The following MAP1A variants were observed in gnomAD, a reference collection of about 807,000 sequenced individuals.
MAP1A encodes microtubule associated protein 1A.
Under a neutral mutation model 185.9 loss-of-function variants are expected in MAP1A, and 42 were observed. The ratio of observed to expected loss-of-function variants is 0.23; its 90% CI spans 0.18 to 0.29. The LOEUF (loss-of-function observed/expected upper bound fraction) is 0.29. Among genes scored for constraint, MAP1A ranks in the 10% least tolerant of loss-of-function variants. MAP1A has a pLI of 1.00. For synonymous variants in MAP1A, 1,229 were observed against 1,335.9 expected (o/e 0.92, Z 1.74); for missense variants, 2,995 against 3,450.4 (o/e 0.87, Z 3.31).
rs201231015 is a variant in MAP1A at position 43,524,351 on chromosome 15, A to T, written c.2878A>T (p.Thr960Ser). Residue 960 changes from threonine to serine, a missense_variant, in exon 4 of 6, where the codon ACT (threonine) becomes TCT (serine). Transcript: ENST00000300231. Reference protein sequence around the residue: ...MSEKLCSQYGTPVFSAPGHAL... With the variant: ...MSEKLCSQYGSPVFSAPGHAL... ...TGAGAAACTTTGCAGTCAATATGGA[A>T]CTCCAGTGTTTAGTGCCCCTGGGCA... The T allele has an allele frequency of 1.9e-4, 300 of 1,613,972 alleles. No homozygotes were observed. Among genetic ancestry groups the T allele is most frequent in the Non-Finnish European group, 2.4e-4 (287 of 1,180,004 alleles).
At position 43,529,264 on chromosome 15, in the gene MAP1A, G is replaced by C. The variant is rs369590485; in HGVS notation, c.7791G>C (p.Glu2597Asp). ...SESGRVERLR[E>D]KEKVQGRVGR... Reference sequence around the variant, plus strand: ...CTGGGAGAGTAGAGAGGCTACGGGAGAAGGAAAAGGTTCAGGGGCGAGTAG... The same window carrying C: ...CTGGGAGAGTAGAGAGGCTACGGGACAAGGAAAAGGTTCAGGGGCGAGTAG... Residue 2597 changes from glutamate (E) to aspartate (D), a missense_variant, in exon 4 of 6, where the codon GAG (glutamate) becomes GAC (aspartate). Glu to Asp is a conservative substitution (Grantham distance 45). Around this residue, in one of 3 missense-constraint regions of MAP1A, gnomAD observed 2,728 missense variants for 2,986.0 expected, o/e 0.91. Coordinates refer to ENST00000300231, the MANE Select transcript of MAP1A (RefSeq NM_002373.6). This position sits in a 1 kb window ranked among gnomAD's most constrained non-coding sequence, Gnocchi z 4.3. 6.2e-7 allele frequency: 1 copy of C among 1,613,630 alleles called. No individual in the cohort carries two copies. Among genetic ancestry groups the C allele is most frequent in the Non-Finnish European group, 8.5e-7 (1 of 1,179,884 alleles).
chr15:43,515,821 C>A (rs1475414929), upstream of MAP1A, among the ~76,000 whole-genome samples: 1 of 152,134 alleles, frequency 6.6e-6, no homozygotes, highest in Non-Finnish European at 1.5e-5. Context: ...GCCTCTCTTT[C>A]TTCTTTGGCA....
Position 43,522,618 on chromosome 15 carries a change from C to T in MAP1A, c.1145C>T (p.Thr382Ile), listed in dbSNP as rs772711100. Residue 382 changes from threonine to isoleucine, a missense_variant, in exon 4 of 6, where the codon ACA becomes ATA. Thr to Ile is a moderately conservative substitution (Grantham distance 89, BLOSUM62 -1). Transcript: ENST00000300231. The surrounding 1 kb of genome is among the most constrained non-coding windows in gnomAD (Gnocchi z 5.9). ...EKPAKPERVK[T>I]ESSEALKAEK... ...CCTGCCAAGCCTGAGAGGGTGAAGACAGAGTCAAGTGAGGCACTGAAGGCA... is the reference window on the plus strand; with the variant it reads ...CCTGCCAAGCCTGAGAGGGTGAAGATAGAGTCAAGTGAGGCACTGAAGGCA... 1.2e-6 allele frequency: 2 copies of T among 1,612,500 alleles called. No individual in the cohort carries two copies. Among genetic ancestry groups the T allele is most frequent in the Non-Finnish European group, 1.7e-6 (2 of 1,179,510 alleles).
Position 43,528,341 on chromosome 15 carries a change from G to A in MAP1A, c.6868G>A (p.Asp2290Asn). ...EAAEQESGEL[D>N]PGMEPAAHSL... ...TGCAGAACAGGAGTCTGGAGAGCTG[G>A]ACCCAGGAATGGAACCAGCTGCCCA... Residue 2290 changes from aspartate (D) to asparagine (N), a missense_variant, in exon 4 of 6, where the codon GAC (aspartate) becomes AAC (asparagine). This residue lies in a region of MAP1A where 2,728 missense variants were observed against 2,986.0 expected (regional missense o/e 0.91). Transcript: ENST00000300231. 6.2e-7 allele frequency: 1 copy of A among 1,614,062 alleles called. No individual in the cohort carries two copies.
chr15:43,518,081 G>C (rs1004334743), intron 1 of MAP1A, among the ~76,000 whole-genome samples: 1 of 152,178 alleles, frequency 6.6e-6, no homozygotes, highest in Non-Finnish European at 1.5e-5. Flanking sequence ...ATGGGAATGT[G>C]CCTAATAGGA....
rs1214184845 is a variant in MAP1A at position 43,522,868 on chromosome 15, GCCCTTT to G, written c.1396_1401del (p.Pro466_Phe467del). On this transcript the variant is annotated inframe_deletion, in exon 4 of 6. Transcript: ENST00000300231. This position sits in a 1 kb window ranked among gnomAD's most constrained non-coding sequence, Gnocchi z 5.9. ...AGAAGATTTCCAAGCCAGACCTAAA[GCCCTTT>G]ACTCCTGAGGTACGTAAGACCCTCT... 1 of 1,609,156 alleles carries G rather than the reference GCCCTTT, an allele frequency of 6.2e-7. No homozygotes were observed. Among genetic ancestry groups the G allele is most frequent in the Non-Finnish European group, 8.5e-7 (1 of 1,177,526 alleles).
At chr15:43,518,670 C>A (rs2079307564) in intron 1 of MAP1A, among the ~76,000 whole-genome samples, 1 of 151,508 alleles carries the variant, frequency 6.6e-6, no homozygotes, top group African/African-American at 2.4e-5. Context: ...TGCGGAGACA[C>A]CTGCCCTCCT....
At chr15:43,515,780 G>A (rs2079295111), upstream of MAP1A, among the ~76,000 whole-genome samples, 1 of 152,152 alleles carries the variant, frequency 6.6e-6, no homozygotes, top group Admixed American at 6.5e-5. Context: ...CAAATCCAGG[G>A]TTTCATATCT....
chr15:43,528,854 A>G lies in MAP1A; in HGVS notation c.7381A>G (p.Ile2461Val), dbSNP rs374969246. ...SFLNPPLPPS[I>V]DDRDLSTEEV... ...CCTGAACCCACCTCTGCCCCCATCC[A>G]TAGATGATAGGGACCTCTCAACTGA... The change falls in exon 4 of 6, where the codon ATA becomes GTA. Residue 2461 changes from isoleucine (I) to valine (V), a missense_variant. Around this residue, in one of 3 missense-constraint regions of MAP1A, gnomAD observed 2,728 missense variants for 2,986.0 expected, o/e 0.91. Coordinates refer to ENST00000300231, the MANE Select transcript of MAP1A (RefSeq NM_002373.6). 7 of 1,613,214 alleles carry G rather than the reference A, an allele frequency of 4.3e-6. No individual in the cohort carries two copies. In the African/African-American group the frequency reaches 8.0e-5, roughly 18 times the overall value.
rs200820407 is a variant in MAP1A at position 43,518,368 on chromosome 15, G to A, written c.-375+668G>A. ...GGAGACGGAGAACTCCCTCCCCAGC[G>A]GCTGCCCTGCATTTCCAGTCGTGTC... is the stretch of plus-strand genomic sequence containing the variant. On this transcript the variant is annotated intron_variant, in intron 1 of 5. Coordinates refer to ENST00000300231, the MANE Select transcript of MAP1A (RefSeq NM_002373.6). Among the ~76,000 whole-genome samples, 103 of 151,954 alleles carry A rather than the reference G, an allele frequency of 6.8e-4. 1 individual carries two copies. The East Asian group carries it at 0.017, about 25-fold the overall frequency.
Position 43,521,934 on chromosome 15 carries a change from G to A in MAP1A, c.461G>A (p.Arg154His), listed in dbSNP as rs370296852. The change falls in exon 4 of 6, where the codon CGT (arginine) becomes CAT (histidine). Residue 154 changes from arginine (R) to histidine (H), a missense_variant. By Grantham distance (29) the Arg-to-His change is conservative (BLOSUM62 0). Around this residue, in one of 3 missense-constraint regions of MAP1A, gnomAD observed 264 missense variants for 435.3 expected, o/e 0.61. Coordinates refer to ENST00000300231, the MANE Select transcript of MAP1A (RefSeq NM_002373.6). This position sits in a 1 kb window ranked among gnomAD's most constrained non-coding sequence, Gnocchi z 4.6. ...RLPDASRKAK[R>H]SIEEACLTLQ... The stretch of plus-strand genomic sequence containing the variant: ...CCTGATGCCTCCCGGAAAGCCAAGC[G>A]TAGCATTGAGGAGGCCTGCCTCACT... 10 of 1,614,002 alleles carry A rather than the reference G, an allele frequency of 6.2e-6. No homozygotes were observed. The highest frequency in any genetic ancestry group is 4.4e-5 in the South Asian group (4 of 91,084).
intron 2 of MAP1A, among the ~76,000 whole-genome samples, chr15:43,512,528 T>G (rs2079285911): frequency 6.6e-6 from 1 of 152,208 alleles, no homozygotes; most frequent in Non-Finnish European, 1.5e-5. Flanking sequence ...GAGGGTTGTT[T>G]GTGGATAGCT....
rs1409008050 is a variant in MAP1A at position 43,529,571 on chromosome 15, T to G, written c.8035+63T>G. ...AGGGCTGGGTGTGGGCTGGTCAGAC[T>G]TCAGGAGTGGGACAGAGGGGAAGGT... On this transcript the variant is annotated intron_variant, in intron 4 of 5. Transcript: ENST00000300231. The surrounding 1 kb of genome is among the most constrained non-coding windows in gnomAD (Gnocchi z 4.3). 1.9e-6 allele frequency: 3 copies of G among 1,604,748 alleles called. No individual in the cohort carries two copies. In the African/African-American group the frequency reaches 4.0e-5, roughly 21 times the overall value.
Position 43,526,512 on chromosome 15 carries a change from A to G in MAP1A, c.5039A>G (p.Asn1680Ser), listed in dbSNP as rs1427274357. Residue 1680 changes from asparagine (N) to serine (S), a missense_variant, in exon 4 of 6, where the codon AAT becomes AGT. By Grantham distance (46) the Asn-to-Ser change is conservative. Around this residue, in one of 3 missense-constraint regions of MAP1A, gnomAD observed 2,728 missense variants for 2,986.0 expected, o/e 0.91. Coordinates refer to ENST00000300231, the MANE Select transcript of MAP1A (RefSeq NM_002373.6). This position sits in a 1 kb window ranked among gnomAD's most constrained non-coding sequence, Gnocchi z 4.7. ...AWEDTSPEQD[N>S]RYWRGREDVA... ...GAGGACACATCTCCTGAGCAGGACA[A>G]TAGGTATTGGAGGGGCAGAGAGGAT... 24 of 1,614,016 alleles carry G rather than the reference A, an allele frequency of 1.5e-5. No individual in the cohort carries two copies. Among genetic ancestry groups the G allele is most frequent in the African/African-American group, 2.7e-5 (2 of 74,940 alleles).
exon 1 of MAP1A, chr15:43,510,976 C>T (rs955709432): frequency 4.7e-5 from 72 of 1,522,668 alleles, no homozygotes; most frequent in Non-Finnish European, 5.6e-5. Flanking sequence ...ACTAACACTC[C>T]GCGGGTGTTT....
In MAP1A at chr15:43,523,484, G is replaced by A; in HGVS notation, c.2011G>A (p.Glu671Lys). The stretch of plus-strand genomic sequence containing the variant: ...GGAGGTACACCCTTCAGATGAGGAG[G>A]AAGAGGACGCGACAAAAGCTGAGGG... ...MEEVHPSDEE[E>K]EDATKAEGFY... The change falls in exon 4 of 6, where the codon GAA becomes AAA. Residue 671 changes from glutamate (E) to lysine (K), a missense_variant. Glu to Lys is a moderately conservative substitution (Grantham distance 56, BLOSUM62 1). Transcript: ENST00000300231. 1 of 1,614,034 alleles carries A rather than the reference G, an allele frequency of 6.2e-7. No individual in the cohort carries two copies. Among genetic ancestry groups the A allele is most frequent in the South Asian group, 1.1e-5 (1 of 91,064 alleles).
At chr15:43,518,926 A>G (rs2079309408) in intron 1 of MAP1A, among the ~76,000 whole-genome samples, 1 of 152,236 alleles carries the variant, frequency 6.6e-6, no homozygotes, top group African/African-American at 2.4e-5. Flanking sequence ...AGTGAGGAAC[A>G]GGACCTTATG....
upstream of MAP1A, among the ~76,000 whole-genome samples, chr15:43,516,720 C>T (rs1433990016): frequency 6.6e-6 from 1 of 152,154 alleles, no homozygotes; most frequent in Non-Finnish European, 1.5e-5. Context: ...GAGCAAGAAC[C>T]CAATCACCCT....
In MAP1A at chr15:43,523,225, A is replaced by G. The variant is rs1459009568; in HGVS notation, c.1752A>G (p.Gly584=). ...QGTPPSVPGL[G]QEEHVMKEKE... ...CACCACCCTCTGTTCCAGGGCTGGG[A>G]CAAGAAGAACATGTGATGAAGGAGA... The change falls in exon 4 of 6, where the codon GGA becomes GGG. Residue 584 remains glycine, a synonymous_variant. Coordinates refer to ENST00000300231, the MANE Select transcript of MAP1A (RefSeq NM_002373.6). 4 of 1,614,148 alleles carry G rather than the reference A, an allele frequency of 2.5e-6. No individual in the cohort carries two copies. The South Asian group carries it at 4.4e-5, about 18-fold the overall frequency.
Sources: gnomAD v4.1 joint callset for allele counts (sites outside exome capture counted in the v4.1 genomes callset) on GRCh38, gnomAD v4.1.1 for gene constraint, gnomAD v4.1.1 regional missense constraint, Gnocchi (gnomAD v3.1) non-coding constraint, MANE v1.5 for transcripts, NCBI Gene and HGNC (gene_info 2026-07-23, HGNC 2026-07-21) for gene names.